The following TOX variants were observed in gnomAD, a reference collection of about 807,000 sequenced individuals.
TOX encodes thymocyte selection-associated high mobility group box protein TOX.
TOX carries 11 observed loss-of-function variants against 53.7 expected under a neutral mutation model. The ratio of observed to expected loss-of-function variants is 0.20; its 90% confidence interval spans 0.13 to 0.34. The LOEUF (loss-of-function observed/expected upper bound fraction) is 0.34. TOX is among the 10% of genes least tolerant of loss of function. The pLI is 1.00. For synonymous variants in TOX, 225 were observed against 245.3 expected (o/e 0.92, Z 0.77); for missense variants, 570 against 664.6 (o/e 0.86, Z 1.56).
At chr8:58,963,267 A>T (rs956822228) in intron 1 of TOX, among the ~76,000 whole-genome samples, 1 of 151,952 alleles carries the variant, frequency 6.6e-6, no homozygotes, top group Non-Finnish European at 1.5e-5. Flanking sequence ...CCAATTCCTT[A>T]TACTGAATCT....
intron 3 of TOX, among the ~76,000 whole-genome samples, chr8:58,854,020 T>C (rs1810869339): frequency 6.6e-6 from 1 of 152,210 alleles, no homozygotes; most frequent in Non-Finnish European, 1.5e-5. Context: ...CACAGAGTAA[T>C]GGCTACCTGT....
At chr8:58,852,160 G>A (rs1332792150) in intron 3 of TOX, among the ~76,000 whole-genome samples, 1 of 152,046 alleles carries the variant, frequency 6.6e-6, no homozygotes, top group Non-Finnish European at 1.5e-5. Context: ...TATAACGTAA[G>A]TTTCAAGATG....
intron 1 of TOX, among the ~76,000 whole-genome samples, chr8:58,972,195 T>A (rs1321918370): frequency 6.6e-6 from 1 of 152,224 alleles, no homozygotes; most frequent in Non-Finnish European, 1.5e-5. Context: ...ATTTATTTAC[T>A]CTGTATGTGC....
At chr8:58,813,779 T>C (rs190937892) in intron 7 of TOX, among the ~76,000 whole-genome samples, 24 of 152,330 alleles carry the variant, frequency 1.6e-4, no homozygotes, top group Admixed American at 3.3e-4. Context: ...AGTAAGAAGA[T>C]AAATCCCTTT....
intron 1 of TOX, among the ~76,000 whole-genome samples, chr8:58,984,813 A>T (rs1218140818): frequency 6.6e-6 from 1 of 150,778 alleles, no homozygotes; most frequent in Non-Finnish European, 1.5e-5. Flanking sequence ...AAAATTGACT[A>T]AAAAAATCCC....
intron 1 of TOX, among the ~76,000 whole-genome samples, chr8:59,043,843 TGATG>T (rs1803639053): frequency 6.6e-6 from 1 of 152,230 alleles, no homozygotes; most frequent in African/African-American, 2.4e-5. Flanking sequence ...TGGAACTGAT[TGATG>T]CTGGCATTCA....
intron 5 of TOX, among the ~76,000 whole-genome samples, chr8:58,829,882 G>C (rs1563364266): frequency 6.6e-6 from 1 of 152,066 alleles, no homozygotes; most frequent in Admixed American, 6.6e-5. Flanking sequence ...ACATTTCAAA[G>C]CCTCTAATGA....
At chr8:58,929,521 C>T (rs1231220414) in intron 3 of TOX, among the ~76,000 whole-genome samples, 1 of 151,816 alleles carries the variant, frequency 6.6e-6, no homozygotes, top group African/African-American at 2.4e-5. Context: ...AAAACCAAAA[C>T]CTGCTCTTAA....
chr8:58,983,199 T>C (rs1813233490), intron 1 of TOX, among the ~76,000 whole-genome samples: 1 of 152,236 alleles, frequency 6.6e-6, no homozygotes, highest in African/African-American at 2.4e-5. Flanking sequence ...ACTGTGGACT[T>C]GAGTCTAGTT....
At position 58,913,770 on chromosome 8, in the gene TOX, C is replaced by T. The variant is rs750643258; in HGVS notation, c.411+25532G>A. Reference sequence around the variant, plus strand: ...AAGTATAAGAATGTTTTATAAAGCTCTATGTAAAAGTCTAAAAAATATTTA... The same window carrying T: ...AAGTATAAGAATGTTTTATAAAGCTTTATGTAAAAGTCTAAAAAATATTTA... On this transcript the variant is annotated intron_variant, in intron 3 of 8. Coordinates refer to ENST00000361421, the MANE Select transcript of TOX (RefSeq NM_014729.3). 6.0e-3 allele frequency among the ~76,000 whole-genome samples: 540 copies of T among 89,566 alleles called. 4 individuals carry two copies. Among genetic ancestry groups the T allele is most frequent in the Middle Eastern group, 0.035 (8 of 228 alleles). 58.8% of individuals were successfully genotyped at this position (89,566 alleles called of 152,430 possible).
intron 1 of TOX, among the ~76,000 whole-genome samples, chr8:58,979,093 C>T (rs1483303862): frequency 6.6e-6 from 1 of 152,162 alleles, no homozygotes; most frequent in Non-Finnish European, 1.5e-5. Flanking sequence ...ATTTAATGCT[C>T]TGCTTATTTG....
intron 1 of TOX, among the ~76,000 whole-genome samples, chr8:58,964,348 C>T (rs1334251125): frequency 6.6e-6 from 1 of 152,138 alleles, no homozygotes; most frequent in Non-Finnish European, 1.5e-5. Flanking sequence ...GTTGAAATCT[C>T]GTGGTTGGAC....
Position 58,939,425 on chromosome 8 carries a change from C to A in TOX, c.288G>T (p.Leu96=), listed in dbSNP as rs141132154. The A allele has an allele frequency of 1.9e-6, 3 of 1,613,972 alleles. No individual in the cohort carries two copies. In the African/African-American group the frequency reaches 4.0e-5, roughly 22 times the overall value. Residue 96 remains leucine (L), a synonymous_variant, in exon 3 of 9, where the codon CTG becomes CTT. Coordinates refer to ENST00000361421, the MANE Select transcript of TOX (RefSeq NM_014729.3). ...GGCCATTATGGTTCATGGGGTGACACAGAGAATGGTAACCAGACTCAACTT... is the reference window on the plus strand; with the variant it reads ...GGCCATTATGGTTCATGGGGTGACAAAGAGAATGGTAACCAGACTCAACTT... The part of the protein sequence containing the change: ...LNEVESGYHS[L]CHPMNHNGLL...
chr8:59,041,935 C>T (rs139900700), intron 1 of TOX, among the ~76,000 whole-genome samples: 32 of 152,204 alleles, frequency 2.1e-4, no homozygotes, highest in African/African-American at 6.7e-4. Flanking sequence ...ATGTTATGTA[C>T]GTTATGTAAG....
chr8:59,026,071 C>G (rs375445750), intron 1 of TOX, among the ~76,000 whole-genome samples: 1 of 152,044 alleles, frequency 6.6e-6, no homozygotes, highest in Non-Finnish European at 1.5e-5. Context: ...GCTCTATCTG[C>G]GCTCATTCAA....
chr8:59,036,959 A>G (rs1171683118), intron 1 of TOX, among the ~76,000 whole-genome samples: 2 of 152,092 alleles, frequency 1.3e-5, no homozygotes, highest in Non-Finnish European at 2.9e-5. Flanking sequence ...CTTCAAAACA[A>G]TGGTCTTTCT....
chr8:58,994,091 T>C (rs941928527), intron 1 of TOX, among the ~76,000 whole-genome samples: 3 of 152,084 alleles, frequency 2.0e-5, no homozygotes, highest in Non-Finnish European at 2.9e-5. Flanking sequence ...AGTGCAAGAG[T>C]GGACAACTGG....
Position 58,807,784 on chromosome 8 carries a change from C to T in TOX, c.1545-1G>A, listed in dbSNP as rs1250887276. The T allele has an allele frequency of 1.2e-6, 2 of 1,613,948 alleles. No individual in the cohort carries two copies. Among genetic ancestry groups the T allele is most frequent in the Non-Finnish European group, 1.7e-6 (2 of 1,179,968 alleles). ...CAGTGCTTTGTCCCTCTGCATGCCC[C>T]TGTAGGAAGAGAAAAAAGACAGTTC... is the stretch of plus-strand genomic sequence containing the variant. On this transcript the variant is annotated splice_acceptor_variant, in intron 8 of 8. Coordinates refer to ENST00000361421, the MANE Select transcript of TOX (RefSeq NM_014729.3). LOFTEE classifies it high-confidence loss of function.
intron 3 of TOX, among the ~76,000 whole-genome samples, chr8:58,887,881 T>A (rs1353363990): frequency 6.6e-6 from 1 of 152,036 alleles, no homozygotes; most frequent in African/African-American, 2.4e-5. Context: ...CACTTAGGTG[T>A]TGTTTAACAA....
Sources: allele counts gnomAD v4.1 joint callset (sites outside exome capture counted in the v4.1 genomes callset), GRCh38; gene constraint gnomAD v4.1.1; transcripts MANE v1.5; gene names NCBI Gene and HGNC (gene_info 2026-07-23, HGNC 2026-07-21).